The following ECPAS variants were observed in gnomAD, a reference collection of about 807,000 sequenced individuals.
ECPAS encodes proteasome adapter and scaffold protein ECM29.
ECPAS carries 70 observed loss-of-function variants against 255.1 expected under a neutral mutation model. The ratio of observed to expected loss-of-function variants is 0.27; its 90% CI spans 0.23 to 0.33. The LOEUF is 0.33. Among genes scored for constraint, ECPAS ranks in the 10% least tolerant of loss-of-function variants. The pLI, the probability that ECPAS is intolerant of heterozygous loss-of-function variation, is 1.00. For synonymous variants in ECPAS, 784 were observed against 775.0 expected, an observed-to-expected ratio of 1.01 and a Z score of -0.19; for missense variants, 1,817 against 2,206.4, an observed-to-expected ratio of 0.82 and a Z score of 3.54.
intron 4 of ECPAS, among the ~76,000 whole-genome samples, 169 bp from the exon 5 acceptor site, chr9:111,442,593 G>GA (rs1201781545): frequency 6.6e-6 from 1 of 152,164 alleles, no homozygotes; most frequent in Non-Finnish European, 1.5e-5. Context: ...TATCTCAGAG[G>GA]AAAAATTCCA....
At chr9:111,466,783 T>C (rs1034978782) in intron 2 of ECPAS, among the ~76,000 whole-genome samples, 1 of 152,142 alleles carries the variant, frequency 6.6e-6, no homozygotes, top group African/African-American at 2.4e-5. Flanking sequence ...CACAGACATA[T>C]GCCACTGCAC....
At chr9:111,480,720 T>C (rs549987248) in intron 1 of ECPAS, among the ~76,000 whole-genome samples, 4 of 152,230 alleles carry the variant, frequency 2.6e-5, no homozygotes, top group Non-Finnish European at 5.9e-5. Context: ...TTCTAAGGTA[T>C]CAACTGCAAC....
In ECPAS at chr9:111,484,156, G is replaced by A. The variant is rs563249190; in HGVS notation, c.-123C>T. 58 of 1,470,908 alleles carry A rather than the reference G, an allele frequency of 3.9e-5. No homozygotes were observed. The East Asian group carries it at 1.6e-3, about 40-fold the overall frequency. 91.1% of individuals were successfully genotyped at this position (1,470,908 alleles called of 1,614,324 possible). ...TCTCCATGCCGCGGACGCTGCGCTC[G>A]GCGCCGCGAGGTGAGGGCTGTAGAG... On this transcript the variant is annotated 5_prime_UTR_variant, in exon 1 of 50. Coordinates refer to ENST00000684092, the MANE Select transcript of ECPAS (RefSeq NM_001364929.1).
chr9:111,412,079 T>G lies in ECPAS; in HGVS notation c.2149A>C (p.Thr717Pro). 6.3e-7 allele frequency: 1 copy of G among 1,599,654 alleles called. No individual in the cohort carries two copies. The highest frequency in any genetic ancestry group is 8.5e-7 in the Non-Finnish European group (1 of 1,175,898). ...AALFYSVVVS[T>P]VSGNELKSMI... ...GATTTCAACTCATTCCCCGACACTG[T>G]TGATACCACTACAGAATAAAACAAC... is the stretch of plus-strand genomic sequence containing the variant. Residue 717 changes from threonine to proline, a missense_variant, in exon 21 of 50, where the codon ACA becomes CCA. Physicochemically the swap from Thr to Pro is conservative, Grantham distance 38 (BLOSUM62 -1). Coordinates refer to ENST00000684092, the MANE Select transcript of ECPAS (RefSeq NM_001364929.1).
intron 1 of ECPAS, 103 bp from the exon 2 acceptor site, chr9:111,473,103 T>C (rs2098291211): frequency 4.7e-6 from 1 of 211,438 alleles, no homozygotes; most frequent in Admixed American, 6.4e-5. Context: ...AGATCTTTGA[T>C]GCCCTGCTTT....
intron 31 of ECPAS, among the ~76,000 whole-genome samples, chr9:111,388,709 T>G (rs1410685815): frequency 6.6e-6 from 1 of 151,766 alleles, no homozygotes; most frequent in Non-Finnish European, 1.5e-5. Flanking sequence ...AGTAAAGAAT[T>G]AGGGAAAGAA....
chr9:111,366,618 C>A lies in ECPAS; in HGVS notation c.5123G>T (p.Arg1708Leu). The change falls in exon 47 of 50, where the codon CGT becomes CTT. Residue 1708 changes from arginine to leucine, a missense_variant. By Grantham distance (102) the Arg-to-Leu change is moderately radical. Coordinates refer to ENST00000684092, the MANE Select transcript of ECPAS (RefSeq NM_001364929.1). ...ACACATCAGTTTGCACAGCTCCTGA[C>A]GATAACAACCTGGGAAAAAAAGACA... ...PRNAETQRCYRQELCKLMCER... is the reference protein window; with the variant it reads ...PRNAETQRCYLQELCKLMCER... 6.2e-7 allele frequency: 1 copy of A among 1,611,124 alleles called. No individual in the cohort carries two copies. The highest frequency in any genetic ancestry group is 8.5e-7 in the Non-Finnish European group (1 of 1,178,344).
rs561594030 is a variant in ECPAS, at chr9:111,423,642, G to A, written c.1216-394C>T. Reference sequence around the variant, plus strand: ...TTAACTCATTAGAAAATACATCACCGGTCCAACAGACTAGGATCCTCCGTC... The same window carrying A: ...TTAACTCATTAGAAAATACATCACCAGTCCAACAGACTAGGATCCTCCGTC... On this transcript the variant is annotated intron_variant, in intron 12 of 49. Coordinates refer to ENST00000684092, the MANE Select transcript of ECPAS (RefSeq NM_001364929.1). 5.3e-5 allele frequency among the ~76,000 whole-genome samples: 8 copies of A among 152,158 alleles called. No homozygotes were observed. In the South Asian group the frequency reaches 8.3e-4, roughly 16 times the overall value.
intron 31 of ECPAS, 87 bp from the exon 32 acceptor site, chr9:111,386,543 C>T: frequency 1.4e-6 from 1 of 725,918 alleles, no homozygotes; most frequent in Non-Finnish European, 2.4e-6. Flanking sequence ...GTTAACCACA[C>T]TTAACCACAC....
intron 4 of ECPAS, among the ~76,000 whole-genome samples, chr9:111,443,261 T>C (rs1564549203): frequency 6.6e-6 from 1 of 152,192 alleles, no homozygotes; most frequent in East Asian, 1.9e-4. Context: ...TTTTCATTTT[T>C]TTCCCCCAAG....
At chr9:111,429,805 T>G (rs1043978257) in intron 9 of ECPAS, among the ~76,000 whole-genome samples, 5 of 152,158 alleles carry the variant, frequency 3.3e-5, no homozygotes, top group Non-Finnish European at 5.9e-5. Flanking sequence ...GAAGTTCAAG[T>G]CCAGCCTAGG....
At chr9:111,423,783 G>C (rs2098217670) in intron 12 of ECPAS, among the ~76,000 whole-genome samples, 1 of 152,196 alleles carries the variant, frequency 6.6e-6, no homozygotes, top group Non-Finnish European at 1.5e-5. Flanking sequence ...ATCACCAGGT[G>C]AATTAGTGAG....
rs72764770 is a variant in ECPAS at position 111,389,077 on chromosome 9, G to A, written c.3447+479C>T. Among the ~76,000 whole-genome samples, 1,041 of 152,314 alleles carry A rather than the reference G, an allele frequency of 6.8e-3. 4 individuals are homozygous for A. Among genetic ancestry groups the A allele is most frequent in the Non-Finnish European group, 0.012 (807 of 68,026 alleles). ...GATTGATATAGAGAAGGCTCAGAGA[G>A]CAAAAGATACTCAGAGACAAGCCCT... On this transcript the variant is annotated intron_variant, in intron 31 of 49. Coordinates refer to ENST00000684092, the MANE Select transcript of ECPAS (RefSeq NM_001364929.1).
In ECPAS at chr9:111,483,967, G is replaced by A. The variant is rs1453637371; in HGVS notation, c.-83+149C>T. 8.1e-6 allele frequency: 8 copies of A among 987,460 alleles called. No homozygotes were observed. The East Asian group carries it at 6.6e-4, about 81-fold the overall frequency. 61.2% of individuals were successfully genotyped at this position (987,460 alleles called of 1,614,324 possible). The stretch of plus-strand genomic sequence containing the variant: ...CGCGCCCGCCCGCCCTCGCTCGCTC[G>A]CGGCTCGTCCTGCCCACCTGTCGCC... On this transcript the variant is annotated intron_variant, in intron 1 of 49. Coordinates refer to ENST00000684092, the MANE Select transcript of ECPAS (RefSeq NM_001364929.1).
At position 111,386,869 on chromosome 9, in the gene ECPAS, AT is replaced by A. The variant is rs553431511; in HGVS notation, c.3448-414del. Among the ~76,000 whole-genome samples, 4 of 152,328 alleles carry A rather than the reference AT, an allele frequency of 2.6e-5. No individual in the cohort carries two copies. In the South Asian group the frequency reaches 8.3e-4, roughly 32 times the overall value. ...CTCCTACTTGTCCTTCAAGGTTCAT[AT>A]TAGCCATCCTTTCCCAGAGAAGATT... On this transcript the variant is annotated intron_variant, in intron 31 of 49. Transcript: ENST00000684092.
intron 35 of ECPAS, 121 bp downstream of exon 35, chr9:111,383,090 G>T: frequency 8.4e-7 from 1 of 1,186,520 alleles, no homozygotes; most frequent in South Asian, 1.7e-5. Context: ...TTTCACAAAT[G>T]ACCCAAGGGT....
chr9:111,407,270 C>T (rs1437758502), intron 24 of ECPAS, among the ~76,000 whole-genome samples: 2 of 146,518 alleles, frequency 1.4e-5, no homozygotes, highest in Non-Finnish European at 3.0e-5. Context: ...GGTGTGGTGG[C>T]GTGCGCTTGT....
intron 36 of ECPAS, among the ~76,000 whole-genome samples, chr9:111,378,247 T>C (rs1295162528): frequency 3.9e-5 from 6 of 152,210 alleles, no homozygotes; most frequent in Admixed American, 1.3e-4. Flanking sequence ...TATGCCAAAG[T>C]CTAGGTGCAA....
At position 111,437,750 on chromosome 9, in the gene ECPAS, T is replaced by C. The variant is rs545563912; in HGVS notation, c.540-642A>G. 1.2e-4 allele frequency among the ~76,000 whole-genome samples: 19 copies of C among 152,318 alleles called. No homozygotes were observed. In the South Asian group the frequency reaches 3.9e-3, roughly 32 times the overall value. On this transcript the variant is annotated intron_variant, in intron 6 of 49. Transcript: ENST00000684092. ...ATGTTCAAAGCCCTTTGCACTGCCT[T>C]GGTTAATTTATCATCCCTATTTCAT...
Sources: allele counts gnomAD v4.1 joint callset (sites outside exome capture counted in the v4.1 genomes callset), GRCh38; gene constraint gnomAD v4.1.1; transcripts MANE v1.5; gene names NCBI Gene and HGNC (gene_info 2026-07-23, HGNC 2026-07-21).